Variants in DOK6 observed in about 807,000 individuals in gnomAD.
DOK6 encodes docking protein 6, also known as downstream of tyrosine kinase 6.
A neutral mutation model predicts 44.0 loss-of-function variants in DOK6; 22 were observed. That is an observed-to-expected ratio of 0.50 (90% CI 0.36 to 0.71). The LOEUF (loss-of-function observed/expected upper bound fraction) is 0.71, where lower values mean the gene tolerates loss of function less well. DOK6 is among the 30% of genes least tolerant of loss of function. DOK6 has a pLI of 0.00. For synonymous variants in DOK6, 166 were observed against 145.5 expected, an observed-to-expected ratio of 1.14 and a Z score of -1.01; for missense variants, 340 against 416.4, an observed-to-expected ratio of 0.82 and a Z score of 1.60.
intron 1 of DOK6, among the ~76,000 whole-genome samples, chr18:69,550,788 T>C (rs1435124963): frequency 2.0e-5 from 3 of 147,530 alleles, no homozygotes; most frequent in African/African-American, 7.4e-5. Context: ...TTTTTTTTTT[T>C]TTTTTTTTTT....
At chr18:69,788,520 G>A (rs546637112) in intron 7 of DOK6, among the ~76,000 whole-genome samples, 13 of 152,310 alleles carry the variant, frequency 8.5e-5, no homozygotes, top group African/African-American at 3.1e-4. Flanking sequence ...TAAGGAGTAG[G>A]TGGAGATTCC....
chr18:69,404,881 T>C, intron 1 of DOK6, among the ~76,000 whole-genome samples: 1 of 151,978 alleles, frequency 6.6e-6, no homozygotes, highest in Admixed American at 6.6e-5. Context: ...CAGTGTACAC[T>C]GGTGTTTGTG....
chr18:69,644,276 T>A (rs2144656741), intron 3 of DOK6, among the ~76,000 whole-genome samples: 1 of 152,292 alleles, frequency 6.6e-6, no homozygotes, highest in East Asian at 1.9e-4. Context: ...TGAGGTCCAG[T>A]TTATTAGTTT....
intron 3 of DOK6, among the ~76,000 whole-genome samples, chr18:69,665,277 T>C (rs896996555): frequency 5.3e-5 from 8 of 152,144 alleles, no homozygotes; most frequent in Admixed American, 1.3e-4. Context: ...CAATGCAAGG[T>C]TGTCCCTACA....
Position 69,698,596 on chromosome 18 carries a change from A to C in DOK6, c.599+3A>C. 1 of 1,612,378 alleles carries C rather than the reference A, an allele frequency of 6.2e-7. No homozygotes were observed. Among genetic ancestry groups the C allele is most frequent in the Non-Finnish European group, 8.5e-7 (1 of 1,179,326 alleles). ...TGGTTCACGTTTGAGTCAGGAAGGT[A>C]AGATCTAGTGCAGCAGCCAAGTGCA... On this transcript the variant is annotated splice_donor_region_variant and intron_variant, in intron 5 of 7. Transcript: ENST00000382713.
At chr18:69,415,490 A>T (rs562177283) in intron 1 of DOK6, among the ~76,000 whole-genome samples, 6 of 152,154 alleles carry the variant, frequency 3.9e-5, no homozygotes, top group African/African-American at 1.2e-4. Flanking sequence ...TCATGAGACC[A>T]CCCCCAACCT....
chr18:69,485,957 T>C (rs893529996), intron 1 of DOK6, among the ~76,000 whole-genome samples: 3 of 151,906 alleles, frequency 2.0e-5, no homozygotes, highest in Admixed American at 1.3e-4. Context: ...TATTAATATA[T>C]GTTTCATTTA....
At position 69,500,242 on chromosome 18, in the gene DOK6, C is replaced by T. The variant is rs549570982; in HGVS notation, c.67-64245C>T. On this transcript the variant is annotated intron_variant, in intron 1 of 7. Coordinates refer to ENST00000382713, the MANE Select transcript of DOK6 (RefSeq NM_152721.6). ...ACTGACGTTATCTTCTAGTATTCTCCGCCTCTGCTTTTATACTTACTTGGA... is the reference window on the plus strand; with the variant it reads ...ACTGACGTTATCTTCTAGTATTCTCTGCCTCTGCTTTTATACTTACTTGGA... Among the ~76,000 whole-genome samples the T allele has an allele frequency of 1.1e-4, 17 of 152,260 alleles. No individual in the cohort carries two copies. The South Asian group carries it at 2.3e-3, about 20-fold the overall frequency.
chr18:69,822,981 T>C (rs1981622928), intron 7 of DOK6, among the ~76,000 whole-genome samples: 1 of 152,214 alleles, frequency 6.6e-6, no homozygotes, highest in Non-Finnish European at 1.5e-5. Flanking sequence ...CATTTCCCCA[T>C]GTCAGGACCA....
intron 3 of DOK6, among the ~76,000 whole-genome samples, chr18:69,615,091 A>T (rs779972591): frequency 1.8e-4 from 27 of 152,200 alleles, no homozygotes; most frequent in Non-Finnish European, 2.8e-4. Context: ...TCGATGTTAG[A>T]TCAGTGTTAT....
intron 3 of DOK6, among the ~76,000 whole-genome samples, chr18:69,671,969 C>T (rs1468239689): frequency 2.6e-5 from 4 of 152,152 alleles, no homozygotes; most frequent in Admixed American, 6.5e-5. Context: ...GGGGCGTCTA[C>T]GGCCATACCA....
chr18:69,467,846 T>C (rs975421751), intron 1 of DOK6, among the ~76,000 whole-genome samples: 1 of 152,114 alleles, frequency 6.6e-6, no homozygotes, highest in Non-Finnish European at 1.5e-5. Flanking sequence ...ATTATTATTA[T>C]TGTTGTGATA....
In DOK6 at chr18:69,777,143, A is replaced by T. The variant is rs952782800; in HGVS notation, c.856+19270A>T. Among the ~76,000 whole-genome samples, 83 of 16,224 alleles carry T rather than the reference A, an allele frequency of 5.1e-3. No homozygotes were observed. The South Asian group carries it at 0.24, about 46-fold the overall frequency. The allele number at this position is 16,224 out of a possible 152,430, so 10.6% of individuals were successfully genotyped here. On this transcript the variant is annotated intron_variant, in intron 7 of 7. Transcript: ENST00000382713. ...TGTACCCTAAAACTTAAAGTATAATAAAAAAAAAAAAGACAGGATAAAAAA... is the reference window on the plus strand; with the variant it reads ...TGTACCCTAAAACTTAAAGTATAATTAAAAAAAAAAAGACAGGATAAAAAA...
chr18:69,641,752 A>G (rs1480169322), intron 3 of DOK6, among the ~76,000 whole-genome samples: 1 of 152,204 alleles, frequency 6.6e-6, no homozygotes, highest in Non-Finnish European at 1.5e-5. Flanking sequence ...AACAGTGTCT[A>G]GTGATATAGG....
chr18:69,791,978 G>A (rs772101643), intron 7 of DOK6, among the ~76,000 whole-genome samples: 2 of 151,894 alleles, frequency 1.3e-5, no homozygotes, highest in South Asian at 2.1e-4. Flanking sequence ...ATAGATACTC[G>A]GTTTTCCCAG....
intron 7 of DOK6, among the ~76,000 whole-genome samples, chr18:69,819,424 G>A (rs1397216170): frequency 6.6e-6 from 1 of 152,150 alleles, no homozygotes; most frequent in East Asian, 1.9e-4. Flanking sequence ...TCTCCTGGGG[G>A]AACTCATGCA....
Position 69,474,132 on chromosome 18 carries a change from A to G in DOK6, c.66+72822A>G, listed in dbSNP as rs150475471. Among the ~76,000 whole-genome samples, 6 of 152,254 alleles carry G rather than the reference A, an allele frequency of 3.9e-5. No individual in the cohort carries two copies. The East Asian group carries it at 1.2e-3, about 29-fold the overall frequency. ...TCCCTCATATGTTAATATAGATTTT[A>G]TTATATGTGTCCTTGGTGAGGGGGG... On this transcript the variant is annotated intron_variant, in intron 1 of 7. Transcript: ENST00000382713.
chr18:69,511,772 A>T (rs189223447), intron 1 of DOK6, among the ~76,000 whole-genome samples: 146 of 152,356 alleles, frequency 9.6e-4, no homozygotes, highest in African/African-American at 3.5e-3. Flanking sequence ...TAAAATATGA[A>T]TACCTTACTA....
intron 3 of DOK6, among the ~76,000 whole-genome samples, chr18:69,607,599 G>A (rs1483285024): frequency 6.6e-6 from 1 of 152,086 alleles, no homozygotes; most frequent in Non-Finnish European, 1.5e-5. Context: ...CTACTTGGAT[G>A]TCAACAAAAT....
Sources: gnomAD v4.1 joint callset for allele counts (sites outside exome capture counted in the v4.1 genomes callset) on GRCh38, gnomAD v4.1.1 for gene constraint, MANE v1.5 for transcripts, NCBI Gene and HGNC (gene_info 2026-07-23, HGNC 2026-07-21) for gene names.